The following CALN1 variants were observed in gnomAD, a reference collection of about 807,000 sequenced individuals.
CALN1 encodes the protein calcium-binding protein 8.
In CALN1, 17 loss-of-function variants were observed where a neutral mutation model predicts 30.6. That is an observed-to-expected ratio of 0.56 (90% CI 0.38 to 0.83). The LOEUF is 0.83. CALN1 is among the 40% of genes least tolerant of loss of function. The pLI is 0.00. For synonymous variants in CALN1, 156 were observed against 131.4 expected (o/e 1.19, Z -1.28); for missense variants, 291 against 354.9 (o/e 0.82, Z 1.45).
At chr7:71,977,131 T>A (rs1798139000) in intron 5 of CALN1, among the ~76,000 whole-genome samples, 1 of 152,256 alleles carries the variant, frequency 6.6e-6, no homozygotes, top group Non-Finnish European at 1.5e-5. Context: ...GAACTGATTT[T>A]GGTCAAAAAC....
At chr7:71,948,605 C>A (rs1796525743) in intron 5 of CALN1, among the ~76,000 whole-genome samples, 1 of 151,924 alleles carries the variant, frequency 6.6e-6, no homozygotes, top group African/African-American at 2.4e-5. Flanking sequence ...TGGTGCATTG[C>A]CTGTAATCCT....
chr7:72,271,575 A>AAAAAATATATATATATATATATATATAT, intron 3 of CALN1, among the ~76,000 whole-genome samples: 37 of 52,106 alleles, frequency 7.1e-4, no homozygotes, highest in Admixed American at 1.8e-3. Flanking sequence ...AAAAAAAAAA[A>AAAAAATATATATATATATATATATATAT]ATATATATAT....
At chr7:72,391,294 T>C (rs1805562617) in intron 2 of CALN1, among the ~76,000 whole-genome samples, 1 of 152,178 alleles carries the variant, frequency 6.6e-6, no homozygotes, top group Non-Finnish European at 1.5e-5. Flanking sequence ...GGAAAAATGT[T>C]AAGAGATAAA....
At chr7:71,934,430 A>T (rs1379242942) in intron 5 of CALN1, among the ~76,000 whole-genome samples, 1 of 152,184 alleles carries the variant, frequency 6.6e-6, no homozygotes, top group Non-Finnish European at 1.5e-5. Flanking sequence ...ATGGTTCTGC[A>T]GGATGTACAA....
At chr7:72,041,053 C>T (rs1802093517) in intron 4 of CALN1, among the ~76,000 whole-genome samples, 2 of 152,166 alleles carry the variant, frequency 1.3e-5, no homozygotes, top group Admixed American at 1.3e-4. Context: ...GAAAACTTGG[C>T]ATCTACTGTA....
At chr7:72,348,555 G>A (rs186720302) in intron 2 of CALN1, among the ~76,000 whole-genome samples, 33 of 152,322 alleles carry the variant, frequency 2.2e-4, no homozygotes, top group African/African-American at 6.5e-4. Context: ...ATCCCATGCC[G>A]CTAGGCAGAG....
chr7:71,886,189 T>C (rs987695666), intron 5 of CALN1, among the ~76,000 whole-genome samples: 1 of 152,244 alleles, frequency 6.6e-6, no homozygotes, highest in Non-Finnish European at 1.5e-5. Flanking sequence ...CACAGTGACA[T>C]ACAAAGCCCT....
intron 3 of CALN1, among the ~76,000 whole-genome samples, chr7:72,134,510 T>C (rs1563086256): frequency 6.6e-6 from 1 of 152,254 alleles, no homozygotes; most frequent in Non-Finnish European, 1.5e-5. Flanking sequence ...TCCCAGTGCA[T>C]ATAAAAGTTA....
intron 3 of CALN1, among the ~76,000 whole-genome samples, chr7:72,201,336 C>G (rs1334798241): frequency 6.6e-6 from 1 of 152,084 alleles, no homozygotes; most frequent in Admixed American, 6.6e-5. Context: ...CGTCTGTAAT[C>G]TCAGCACTTT....
intron 4 of CALN1, among the ~76,000 whole-genome samples, chr7:72,041,582 T>A (rs1341063539): frequency 6.6e-6 from 1 of 152,062 alleles, no homozygotes. Context: ...CAGCGTTTCA[T>A]CATGTTGGCC....
At chr7:72,344,703 TTATA>T (rs1485346065) in intron 2 of CALN1, among the ~76,000 whole-genome samples, 1 of 147,318 alleles carries the variant, frequency 6.8e-6, no homozygotes, top group African/African-American at 2.4e-5. Context: ...ACATTTTTAT[TTATA>T]TATGCTTATT....
chr7:72,383,825 T>C (rs1166683876), intron 2 of CALN1, among the ~76,000 whole-genome samples: 2 of 152,228 alleles, frequency 1.3e-5, no homozygotes, highest in African/African-American at 4.8e-5. Flanking sequence ...GTTGGCCCTG[T>C]TGTCCCATTA....
chr7:72,173,867 A>G (rs1403415775), intron 3 of CALN1, among the ~76,000 whole-genome samples: 2 of 151,650 alleles, frequency 1.3e-5, no homozygotes, highest in South Asian at 2.1e-4. Flanking sequence ...AATCTCTGTG[A>G]GCATGAAATA....
At chr7:72,254,785 CAG>C (rs1478958270) in intron 3 of CALN1, among the ~76,000 whole-genome samples, 3 of 152,004 alleles carry the variant, frequency 2.0e-5, no homozygotes, top group East Asian at 3.9e-4. Context: ...CCCGCTGAGA[CAG>C]AGTCTTGCTT....
intron 2 of CALN1, among the ~76,000 whole-genome samples, chr7:72,345,557 AAGGG>A (rs1190707115): frequency 7.9e-5 from 11 of 139,046 alleles, no homozygotes; most frequent in Non-Finnish European, 7.8e-5. Flanking sequence ...GGAAAGAAGA[AAGGG>A]AGGGAGGGAG....
At chr7:72,175,074 A>G (rs947439970) in intron 3 of CALN1, among the ~76,000 whole-genome samples, 2 of 151,800 alleles carry the variant, frequency 1.3e-5, no homozygotes, top group Non-Finnish European at 2.9e-5. Flanking sequence ...CCTCAATATA[A>G]TCAATTTTTT....
intron 3 of CALN1, among the ~76,000 whole-genome samples, chr7:72,107,003 A>G (rs1256049162): frequency 1.3e-5 from 2 of 149,460 alleles, no homozygotes; most frequent in African/African-American, 5.1e-5. Context: ...AGAAAGAAAA[A>G]TAGAAAGAAA....
At chr7:71,812,929 C>T (rs57625156) in intron 5 of CALN1, among the ~76,000 whole-genome samples, 22,050 of 136,266 alleles carry the variant, frequency 0.16, 2,624 homozygotes, top group East Asian at 0.57. Context: ...TCATCATCAT[C>T]ATTATTATTA....
chr7:72,476,077 T>C, the CALN1 span, among the ~76,000 whole-genome samples: 1 of 150,892 alleles, frequency 6.6e-6, no homozygotes, highest in Non-Finnish European at 1.5e-5. Context: ...GCCTCCCAAG[T>C]AGCTGGGATT....
Sources: allele counts gnomAD v4.1 joint callset (sites outside exome capture counted in the v4.1 genomes callset), GRCh38; gene constraint gnomAD v4.1.1; transcripts MANE v1.5; gene names NCBI Gene and HGNC (gene_info 2026-07-23, HGNC 2026-07-21).